Variants in ERC2 observed in about 807,000 individuals in gnomAD.
ERC2 encodes ELKS/RAB6-interacting/CAST family member 2, also known as ERC protein 2.
Under a neutral mutation model 114.8 loss-of-function variants are expected in ERC2, and 42 were observed. That is an observed-to-expected ratio of 0.37 (90% confidence interval 0.29 to 0.47). The LOEUF (loss-of-function observed/expected upper bound fraction) is 0.47, where lower values mean the gene tolerates loss of function less well. Ranked by LOEUF, ERC2 falls within the 20% of genes least tolerant of loss-of-function variation. The pLI, the probability that ERC2 is intolerant of heterozygous loss-of-function variation, is 0.99. For synonymous variants in ERC2, 454 were observed against 425.5 expected (o/e 1.07, Z -0.82); for missense variants, 939 against 1,150.7 (o/e 0.82, Z 2.66).
intron 12 of ERC2, among the ~76,000 whole-genome samples, chr3:55,973,641 T>G (rs2069348237): frequency 6.6e-6 from 1 of 152,224 alleles, no homozygotes; most frequent in African/African-American, 2.4e-5. Flanking sequence ...TTTAGTCATA[T>G]GCCCATTGCA....
intron 17 of ERC2, among the ~76,000 whole-genome samples, chr3:55,651,291 G>C (rs2060611495): frequency 6.6e-6 from 1 of 152,128 alleles, no homozygotes; most frequent in African/African-American, 2.4e-5. Flanking sequence ...AGTGCTTAGA[G>C]AATTAAGGAA....
intron 17 of ERC2, among the ~76,000 whole-genome samples, chr3:55,599,085 T>C (rs1237921101): frequency 6.6e-6 from 1 of 152,224 alleles, no homozygotes; most frequent in Non-Finnish European, 1.5e-5. Context: ...CATCAAAAAC[T>C]TTTGCAGACT....
At chr3:56,221,852 G>A (rs1449071242) in intron 3 of ERC2, among the ~76,000 whole-genome samples, 1 of 151,890 alleles carries the variant, frequency 6.6e-6, no homozygotes, top group Non-Finnish European at 1.5e-5. Flanking sequence ...AGCAGAGATC[G>A]TGCCACTGCA....
chr3:56,241,057 C>G (rs1037561833), intron 3 of ERC2, among the ~76,000 whole-genome samples: 1 of 152,054 alleles, frequency 6.6e-6, no homozygotes, highest in Admixed American at 6.6e-5. Flanking sequence ...CTCCCACTTA[C>G]AATTAAGAGA....
chr3:56,398,523 A>C (rs1299911127), intron 2 of ERC2, among the ~76,000 whole-genome samples: 2 of 152,220 alleles, frequency 1.3e-5, no homozygotes, highest in Non-Finnish European at 2.9e-5. Flanking sequence ...CTGAAATTCA[A>C]ATTTACTGAG....
intron 2 of ERC2, among the ~76,000 whole-genome samples, chr3:56,312,111 T>A (rs1241715367): frequency 1.3e-5 from 2 of 152,188 alleles, no homozygotes; most frequent in Non-Finnish European, 2.9e-5. Context: ...TGTCAGGGAC[T>A]TGAGCGTCCA....
chr3:55,787,143 G>A (rs2069576333), intron 14 of ERC2, among the ~76,000 whole-genome samples: 1 of 152,148 alleles, frequency 6.6e-6, no homozygotes, highest in Non-Finnish European at 1.5e-5. Flanking sequence ...CGGCTGGGGG[G>A]CGATGGCTCA....
intron 16 of ERC2, among the ~76,000 whole-genome samples, chr3:55,696,205 A>C (rs898188326): frequency 7.9e-5 from 12 of 152,228 alleles, no homozygotes; most frequent in Non-Finnish European, 1.8e-4. Flanking sequence ...TGAATTACCT[A>C]AGGTAAAACG....
chr3:56,081,042 T>C, intron 6 of ERC2, 58 bp from the exon 7 acceptor site: 1 of 1,577,388 alleles, frequency 6.3e-7, no homozygotes, highest in South Asian at 1.2e-5. Flanking sequence ...TCAATAACCA[T>C]CAATTGTGCC....
chr3:55,792,237 G>A (rs935339467), intron 14 of ERC2, among the ~76,000 whole-genome samples: 13 of 152,148 alleles, frequency 8.5e-5, no homozygotes, highest in African/African-American at 3.1e-4. Context: ...TGGGTAAATT[G>A]CACTGACTGC....
chr3:55,555,437 C>A (rs2055535630), intron 17 of ERC2, among the ~76,000 whole-genome samples: 1 of 152,180 alleles, frequency 6.6e-6, no homozygotes, highest in African/African-American at 2.4e-5. Flanking sequence ...TCTCAAATGA[C>A]ACCAGAGCAA....
At chr3:56,024,703 A>G (rs1179300213) in intron 7 of ERC2, among the ~76,000 whole-genome samples, 1 of 152,210 alleles carries the variant, frequency 6.6e-6, no homozygotes, top group Non-Finnish European at 1.5e-5. Context: ...GGATGGCCAA[A>G]AATTATGACC....
intron 17 of ERC2, among the ~76,000 whole-genome samples, chr3:55,623,624 G>A (rs2059402905): frequency 1.3e-5 from 2 of 152,098 alleles, no homozygotes; most frequent in Non-Finnish European, 2.9e-5. Context: ...GTCCCCTTTA[G>A]TTATCTATTC....
chr3:55,697,814 A>C (rs888782726), intron 16 of ERC2, among the ~76,000 whole-genome samples: 1 of 152,024 alleles, frequency 6.6e-6, no homozygotes, highest in South Asian at 2.1e-4. Flanking sequence ...TGTGTGGCTC[A>C]GAATGAATGG....
At chr3:55,584,430 T>C (rs1243857866) in intron 17 of ERC2, among the ~76,000 whole-genome samples, 1 of 152,150 alleles carries the variant, frequency 6.6e-6, no homozygotes, top group African/African-American at 2.4e-5. Flanking sequence ...ATGCCAGGTG[T>C]TCTGGGCTCA....
At chr3:55,784,886 C>T (rs1230031966) in intron 14 of ERC2, among the ~76,000 whole-genome samples, 1 of 152,162 alleles carries the variant, frequency 6.6e-6, no homozygotes, top group Non-Finnish European at 1.5e-5. Context: ...CAAACGGTTG[C>T]TCATTTATGC....
chr3:55,851,839 T>G (rs751029270), intron 14 of ERC2, among the ~76,000 whole-genome samples: 5 of 152,022 alleles, frequency 3.3e-5, no homozygotes, highest in Admixed American at 3.3e-4. Context: ...GGAGAAGATA[T>G]GACAACAGAG....
At chr3:55,988,585 T>C (rs1005649023) in intron 11 of ERC2, among the ~76,000 whole-genome samples, 6 of 152,236 alleles carry the variant, frequency 3.9e-5, no homozygotes, top group Admixed American at 6.5e-5. Flanking sequence ...AGTGTCAAGG[T>C]TGTCTGAGTT....
At chr3:56,313,138 C>CA (rs1299747794) in intron 2 of ERC2, among the ~76,000 whole-genome samples, 26 of 122,262 alleles carry the variant, frequency 2.1e-4, no homozygotes, top group African/African-American at 3.7e-4. Context: ...TATGAATGGA[C>CA]AAAAAAAAAA....
Sources: gnomAD v4.1 joint callset for allele counts (sites outside exome capture counted in the v4.1 genomes callset) on GRCh38, gnomAD v4.1.1 for gene constraint, MANE v1.5 for transcripts, NCBI Gene and HGNC (gene_info 2026-07-23, HGNC 2026-07-21) for gene names.